The following SLC2A9 variants were observed in gnomAD, a reference collection of about 807,000 sequenced individuals.
SLC2A9 encodes the protein solute carrier family 2, facilitated glucose transporter member 9.
A neutral mutation model predicts 50.6 loss-of-function variants in SLC2A9; 39 were observed. The observed-to-expected ratio is 0.77, with a 90% confidence interval of 0.60 to 1.01. SLC2A9 has a LOEUF of 1.01. Among genes scored for constraint, SLC2A9 ranks in the 50% least tolerant of loss-of-function variants. SLC2A9 has a pLI of 0.00. For missense variants in SLC2A9, 686 were observed against 677.6 expected (o/e 1.01, Z -0.14); for synonymous variants, 324 against 276.9 (o/e 1.17, Z -1.69).
chr4:9,867,493 GATA>G (rs1392833141), intron 10 of SLC2A9, among the ~76,000 whole-genome samples: 2 of 152,206 alleles, frequency 1.3e-5, no homozygotes, highest in African/African-American at 4.8e-5. Context: ...TAGTATTGGT[GATA>G]ATGATGATAA....
chr4:9,797,103 T>C (rs1720683686), downstream of SLC2A9, among the ~76,000 whole-genome samples: 1 of 152,152 alleles, frequency 6.6e-6, no homozygotes, highest in African/African-American at 2.4e-5. Context: ...CAGGAAGTGT[T>C]CCAAGAACCA....
chr4:9,799,564 T>G (rs1017337698), intron 3 of SLC2A9, among the ~76,000 whole-genome samples: 10 of 152,026 alleles, frequency 6.6e-5, no homozygotes, highest in African/African-American at 2.4e-4. Context: ...TCTCCACATA[T>G]GAAATTTGGA....
chr4:9,882,918 G>A (rs922780663), intron 10 of SLC2A9, among the ~76,000 whole-genome samples: 3 of 152,118 alleles, frequency 2.0e-5, no homozygotes, highest in African/African-American at 2.4e-5. Context: ...AATGTTTTTA[G>A]TGGGCTATAC....
chr4:9,814,304 C>T (rs1431340765), intron 3 of SLC2A9, among the ~76,000 whole-genome samples: 7 of 152,148 alleles, frequency 4.6e-5, no homozygotes, highest in Non-Finnish European at 7.3e-5. Context: ...TTTTATATTC[C>T]AATTACCTAG....
chr4:9,917,325 C>CTTTTTTTTTTTTTTTTTTTTTTTTT (rs55927201), intron 7 of SLC2A9, among the ~76,000 whole-genome samples: 1 of 81,798 alleles, frequency 1.2e-5, no homozygotes, highest in Non-Finnish European at 2.1e-5. Flanking sequence ...TTCTTTTTTC[C>CTTTTTTTTTTTTTTTTTTTTTTTTT]TTTTTTTTTT....
chr4:9,849,691 G>A (rs1374781164), intron 10 of SLC2A9, among the ~76,000 whole-genome samples: 1 of 152,180 alleles, frequency 6.6e-6, no homozygotes, highest in Admixed American at 6.5e-5. Context: ...AGCTGCTACA[G>A]CATAATGAGT....
intron 2 of SLC2A9, among the ~76,000 whole-genome samples, chr4:10,010,169 T>A (rs1161694416): frequency 6.6e-6 from 1 of 152,158 alleles, no homozygotes; most frequent in African/African-American, 2.4e-5. Flanking sequence ...TGGCCAATGA[T>A]TTGATCAATC....
chr4:9,881,063 C>T (rs62293291), intron 10 of SLC2A9, among the ~76,000 whole-genome samples: 18,417 of 152,200 alleles, frequency 0.12, 1,305 homozygotes, highest in African/African-American at 0.17. Flanking sequence ...CCCTGCACTC[C>T]GGGGAGTGGT....
chr4:9,914,619 T>C (rs1742518009), intron 7 of SLC2A9, among the ~76,000 whole-genome samples: 1 of 152,184 alleles, frequency 6.6e-6, no homozygotes, highest in Non-Finnish European at 1.5e-5. Flanking sequence ...ATTGACCATC[T>C]AACGTCCCCT....
intron 1 of SLC2A9, among the ~76,000 whole-genome samples, chr4:9,774,666 G>A (rs113175117): frequency 1.6e-4 from 25 of 152,214 alleles, no homozygotes; most frequent in African/African-American, 6.0e-4. Flanking sequence ...ACCATGGTAT[G>A]CCTGAATTTT....
At chr4:9,933,607 T>A (rs1394172033) in intron 6 of SLC2A9, among the ~76,000 whole-genome samples, 1 of 152,166 alleles carries the variant, frequency 6.6e-6, no homozygotes, top group African/African-American at 2.4e-5. Context: ...GTGTAGACTT[T>A]AGGGGGGTGA....
intron 5 of SLC2A9, among the ~76,000 whole-genome samples, chr4:9,953,926 C>A (rs908146881): frequency 6.6e-6 from 1 of 152,236 alleles, no homozygotes; most frequent in African/African-American, 2.4e-5. Context: ...TCTCCTGCCT[C>A]AGCCTCCCGA....
intron 10 of SLC2A9, among the ~76,000 whole-genome samples, chr4:9,843,372 C>A (rs1728410486): frequency 6.6e-6 from 1 of 152,096 alleles, no homozygotes; most frequent in Non-Finnish European, 1.5e-5. Flanking sequence ...GTACTAGTTT[C>A]AGGAGTTGGG....
At chr4:9,922,833 C>G (rs114372106) in intron 6 of SLC2A9, 2,103 of 152,694 alleles carry the variant, frequency 0.014, 22 homozygotes, top group Middle Eastern at 0.054. Context: ...CAGGAGAACC[C>G]AAACCTGCAC....
chr4:9,776,315 CAA>C (rs1271755515), downstream of SLC2A9, among the ~76,000 whole-genome samples: 5 of 151,666 alleles, frequency 3.3e-5, no homozygotes, highest in East Asian at 9.7e-4. Flanking sequence ...TCAGCTCCAA[CAA>C]AGTTTGTTCC....
chr4:9,937,970 T>C (rs1013265324), intron 6 of SLC2A9, among the ~76,000 whole-genome samples: 8 of 152,252 alleles, frequency 5.3e-5, no homozygotes, highest in Admixed American at 2.0e-4. Flanking sequence ...GTATCTATGA[T>C]GTCCACACTT....
At chr4:9,965,935 G>A (rs1752982641) in intron 5 of SLC2A9, among the ~76,000 whole-genome samples, 1 of 152,204 alleles carries the variant, frequency 6.6e-6, no homozygotes, top group Non-Finnish European at 1.5e-5. Context: ...AAAGACTACA[G>A]GGTGAGATGG....
At chr4:9,879,080 C>G in intron 10 of SLC2A9, 1 of 981,952 alleles carries the variant, frequency 1.0e-6, no homozygotes, top group South Asian at 4.7e-5. Flanking sequence ...TGTTTGGATA[C>G]AGGTGATAGA....
At chr4:9,835,466 C>G (rs12505312) in intron 10 of SLC2A9, among the ~76,000 whole-genome samples, 34,362 of 152,098 alleles carry the variant, frequency 0.23, 3,992 homozygotes, top group Admixed American at 0.29. Context: ...GAGATCTACA[C>G]CTGGGTGTTT....
Sources: gnomAD v4.1 joint callset for allele counts (sites outside exome capture counted in the v4.1 genomes callset) on GRCh38, gnomAD v4.1.1 for gene constraint, MANE v1.5 for transcripts, NCBI Gene and HGNC (gene_info 2026-07-23, HGNC 2026-07-21) for gene names.